The following HM13 variants were observed in gnomAD, a reference collection of about 807,000 sequenced individuals.
HM13 encodes the protein histocompatibility minor 13.
HM13 carries 18 observed loss-of-function variants against 50.0 expected under a neutral mutation model. The ratio of observed to expected loss-of-function variants is 0.36; its 90% CI spans 0.25 to 0.53. The LOEUF (loss-of-function observed/expected upper bound fraction) is 0.53, where lower values mean the gene tolerates loss of function less well. HM13 is among the 20% of genes least tolerant of loss of function. The probability of loss-of-function intolerance (pLI) is 0.90; values close to 1 mark genes in which losing one functional copy is unlikely to be tolerated. For missense variants in HM13, 393 were observed against 552.4 expected, an observed-to-expected ratio of 0.71 and a Z score of 2.89; for synonymous variants, 197 against 232.6, an observed-to-expected ratio of 0.85 and a Z score of 1.39.
At chr20:31,566,873 C>T (rs1002604880) in intron 11 of HM13, among the ~76,000 whole-genome samples, 1 of 152,126 alleles carries the variant, frequency 6.6e-6, no homozygotes, top group South Asian at 2.1e-4. Context: ...ACCCATACCG[C>T]AAGGCCTGCG....
chr20:31,531,550 T>C (rs893610133), intron 2 of HM13, among the ~76,000 whole-genome samples: 1 of 152,094 alleles, frequency 6.6e-6, no homozygotes, highest in Non-Finnish European at 1.5e-5. Flanking sequence ...ACGTATGTCA[T>C]TACATCCAGC....
intron 6 of HM13, 35 bp from the exon 7 acceptor site, chr20:31,550,029 C>A: frequency 2.6e-6 from 4 of 1,547,704 alleles, no homozygotes; most frequent in Non-Finnish European, 2.7e-6. Flanking sequence ...CAGCCCCTCA[C>A]TTCCCTTCAT....
Position 31,568,519 on chromosome 20 carries a change from C to CTT in HM13, c.1181+296_1181+297dup, listed in dbSNP as rs149212429. Among the ~76,000 whole-genome samples the CTT allele has an allele frequency of 3.9e-3, 593 of 152,324 alleles. 4 individuals carry two copies. The highest frequency in any genetic ancestry group is 0.014 in the African/African-American group (564 of 41,570). On this transcript the variant is annotated intron_variant, in intron 12 of 12. Coordinates refer to ENST00000398174, the MANE Select transcript of HM13 (RefSeq NM_178581.3). ...TTACCATTCAAGGTATATGTATAAC[C>CTT]TTAGGCAAGTTACTTTCTTCATCTG...
intron 1 of HM13, among the ~76,000 whole-genome samples, chr20:31,525,770 GAAAAAAAGA>G (rs1440724992): frequency 2.1e-5 from 3 of 145,000 alleles, no homozygotes; most frequent in South Asian, 2.2e-4. Context: ...AAAAAAAAAA[GAAAAAAAGA>G]AAAGAAAGAA....
At chr20:31,536,983 C>G (rs997473573) in intron 2 of HM13, among the ~76,000 whole-genome samples, 3 of 152,272 alleles carry the variant, frequency 2.0e-5, no homozygotes, top group South Asian at 2.1e-4. Context: ...TGCTGAATCA[C>G]TGGTGTCTAG....
chr20:31,568,057 TC>T lies in HM13; in HGVS notation c.1035-20del, dbSNP rs1985026330. The T allele has an allele frequency of 3.2e-6, 5 of 1,573,894 alleles. No homozygotes were observed. ...CCCTATCCATCTCTTTTTTTCTGTC[TC>T]TTCTCTCTCTCTCACACAGCTACGA... On this transcript the variant is annotated intron_variant, in intron 11 of 12. Coordinates refer to ENST00000398174, the MANE Select transcript of HM13 (RefSeq NM_178581.3).
chr20:31,517,788 G>A (rs572918029), intron 1 of HM13, among the ~76,000 whole-genome samples: 8 of 125,554 alleles, frequency 6.4e-5, no homozygotes, highest in East Asian at 1.9e-4. Context: ...GCAATGCAGC[G>A]GTTAATCGTA....
intron 3 of HM13, 73 bp from the exon 4 acceptor site, chr20:31,544,874 T>C (rs1368699870): frequency 8.5e-7 from 1 of 1,178,932 alleles, no homozygotes; most frequent in East Asian, 2.3e-5. Flanking sequence ...CAGCTGTAAA[T>C]GGGGCAGGGG....
chr20:31,563,813 A>T (rs1199239488), intron 10 of HM13, among the ~76,000 whole-genome samples: 1 of 152,014 alleles, frequency 6.6e-6, no homozygotes, highest in Non-Finnish European at 1.5e-5. Context: ...GTGGTGGCTC[A>T]CACCTGTAAT....
At chr20:31,549,553 G>A (rs560446529) in intron 6 of HM13, among the ~76,000 whole-genome samples, 4 of 152,286 alleles carry the variant, frequency 2.6e-5, no homozygotes, top group African/African-American at 7.2e-5. Context: ...GGTGCCTTCC[G>A]ACCACCTGCC....
At chr20:31,548,844 TG>T (rs35049206) in intron 4 of HM13, 184 bp from the exon 5 acceptor site, 1 of 642,732 alleles carries the variant, frequency 1.6e-6, no homozygotes, top group Non-Finnish European at 2.8e-6. Context: ...TTGGAGGGGT[TG>T]GGGTGGCTCC....
rs112595918 is a variant in HM13, at chr20:31,561,836, C to T, written c.948+100C>T. 1,447 of 808,138 alleles carry T rather than the reference C, an allele frequency of 1.8e-3. 12 individuals carry two copies. In the African/African-American group the frequency reaches 0.021, roughly 12 times the overall value. The allele number at this position is 808,138 out of a possible 1,614,324, so 50.1% of individuals were successfully genotyped here. ...AATGCAAGCAGTCCAGAGATAGGCA[C>T]TCCCCACTGGTGTTGGAGCAGTCAT... On this transcript the variant is annotated intron_variant, in intron 10 of 12. Transcript: ENST00000398174.
At chr20:31,562,254 C>A (rs752276879) in intron 10 of HM13, among the ~76,000 whole-genome samples, 35 of 152,130 alleles carry the variant, frequency 2.3e-4, no homozygotes, top group Non-Finnish European at 3.7e-4. Flanking sequence ...CAACATAGCA[C>A]AAAGACTGGG....
In HM13 at chr20:31,547,559, C is replaced by T. The variant is rs552030889; in HGVS notation, c.455-1470C>T. The T allele has an allele frequency of 9.8e-5, 105 of 1,073,844 alleles. 2 individuals are homozygous for T. In the South Asian group the frequency reaches 1.3e-3, roughly 13 times the overall value. The allele number at this position is 1,073,844 out of a possible 1,614,324, so 66.5% of individuals were successfully genotyped here. ...GTGTCCAACTGCATCCAGTTGAAAA[C>T]GTCAGTTATTAAGGGCATTAAGAGC... On this transcript the variant is annotated intron_variant, in intron 4 of 12. Coordinates refer to ENST00000398174, the MANE Select transcript of HM13 (RefSeq NM_178581.3).
intron 6 of HM13, 62 bp downstream of exon 6, chr20:31,549,394 CCT>C: frequency 6.2e-7 from 1 of 1,603,104 alleles, no homozygotes; most frequent in Non-Finnish European, 8.5e-7. Context: ...CATCACCCTG[CCT>C]CTCTGGCCCA....
chr20:31,534,792 A>G (rs1385047517), intron 2 of HM13, among the ~76,000 whole-genome samples: 1 of 151,628 alleles, frequency 6.6e-6, no homozygotes, highest in Non-Finnish European at 1.5e-5. Context: ...GAAAGAAAAA[A>G]AAGAAGAAAT....
intron 2 of HM13, among the ~76,000 whole-genome samples, chr20:31,531,910 A>G (rs140007612): frequency 1.3e-5 from 2 of 152,288 alleles, no homozygotes; most frequent in Non-Finnish European, 2.9e-5. Flanking sequence ...ATGGTGAGCT[A>G]TGATCACACC....
intron 1 of HM13, among the ~76,000 whole-genome samples, chr20:31,517,113 G>A (rs905077839): frequency 6.6e-6 from 1 of 152,156 alleles, no homozygotes; most frequent in Non-Finnish European, 1.5e-5. Flanking sequence ...CCCTGGTCAT[G>A]TGAAAAGGAG....
intron 7 of HM13, chr20:31,554,492 C>G (rs1189650327): frequency 5.1e-6 from 2 of 390,228 alleles, no homozygotes; most frequent in Non-Finnish European, 9.6e-6. Flanking sequence ...ACCATCCTGG[C>G]TAACACGGTG....
Sources: allele counts gnomAD v4.1 joint callset (sites outside exome capture counted in the v4.1 genomes callset), GRCh38; gene constraint gnomAD v4.1.1; transcripts MANE v1.5; gene names NCBI Gene and HGNC (gene_info 2026-07-23, HGNC 2026-07-21).